The following TMEM134 variants were observed in gnomAD, a reference collection of about 807,000 sequenced individuals.
The protein encoded by TMEM134 is transmembrane protein 134.
In TMEM134, 36 loss-of-function variants were observed where a neutral mutation model predicts 26.2. The observed-to-expected ratio is 1.37, with a 90% CI of 1.05 to 1.81. The LOEUF is 1.81. Among genes scored for constraint, TMEM134 ranks in the 40% most tolerant of loss-of-function variants. The pLI is 0.00. For synonymous variants in TMEM134, 133 were observed against 113.6 expected (o/e 1.17, Z -1.08); for missense variants, 339 against 263.5 (o/e 1.29, Z -1.98).
In TMEM134 at chr11:67,464,670, C is replaced by A. The variant is rs1249714101; in HGVS notation, c.532G>T (p.Ala178Ser). Reference protein sequence around the residue: ...GVYHVIFIYCAVKGHRGFQFF... With the variant: ...GVYHVIFIYCSVKGHRGFQFF... ...TGGAAGCCCCGGTGGCCCTTGACCG[C>A]GCAGTAGATGAAGATCACGTGATAG... The change falls in exon 7 of 7, where the codon GCG (alanine) becomes TCG (serine). Residue 178 changes from alanine (A) to serine (S), a missense_variant. By Grantham distance (99) the Ala-to-Ser change is moderately conservative (BLOSUM62 1). Coordinates refer to ENST00000308022, the MANE Select transcript of TMEM134 (RefSeq NM_025124.4). The A allele has an allele frequency of 1.3e-6, 2 of 1,553,852 alleles. No homozygotes were observed. The highest frequency in any genetic ancestry group is 1.4e-5 in the African/African-American group (1 of 73,228).
rs1325519520 is a variant in TMEM134, at chr11:67,468,013, C to T, written c.239+15G>A. 8.4e-6 allele frequency: 13 copies of T among 1,552,564 alleles called. No homozygotes were observed. Among genetic ancestry groups the T allele is most frequent in the Non-Finnish European group, 1.1e-5 (13 of 1,147,566 alleles). ...GGGGCTGGGGTACAGGGTTGGGTCCCCACCTGGCCCTAACCTGGTGCCGAC... is the reference window on the plus strand; with the variant it reads ...GGGGCTGGGGTACAGGGTTGGGTCCTCACCTGGCCCTAACCTGGTGCCGAC... On this transcript the variant is annotated intron_variant, in intron 2 of 6. Transcript: ENST00000308022.
At position 67,461,861 on chromosome 11, in the gene TMEM134, T is replaced by C. The variant is rs561810399; in HGVS notation, c.*2753A>G. 2.4e-4 allele frequency: 37 copies of C among 152,364 alleles called. 1 individual carries two copies. Among genetic ancestry groups the C allele is most frequent in the African/African-American group, 7.9e-4 (33 of 41,588 alleles). 9.4% of individuals were successfully genotyped at this position (152,364 alleles called of 1,614,324 possible). On this transcript the variant is annotated 3_prime_UTR_variant, in exon 7 of 7. Transcript: ENST00000308022. ...AATATAAAAACCACTCTGTGGACTA[T>C]ACCTTGCTGATTCCTAACGCAGACT...
Position 67,462,188 on chromosome 11 carries a change from AAAAC to A in TMEM134, c.*2422_*2425del, listed in dbSNP as rs1477358109. ...TCTCAAAAAAAAAACAAAAAAAAAA[AAAAC>A]AAGGAGTAAAAAGTTGTTAGCTGCG... On this transcript the variant is annotated 3_prime_UTR_variant, in exon 7 of 7. Coordinates refer to ENST00000308022, the MANE Select transcript of TMEM134 (RefSeq NM_025124.4). 1.3e-5 allele frequency: 2 copies of A among 151,952 alleles called. No homozygotes were observed. Among genetic ancestry groups the A allele is most frequent in the Non-Finnish European group, 2.9e-5 (2 of 67,964 alleles). The allele number at this position is 151,952 out of a possible 1,614,324, so 9.4% of individuals were successfully genotyped here. A position where few individuals can be genotyped will look rare whatever the true frequency, so the allele number is the denominator to read the frequency against.
rs766067977 is a variant in TMEM134, at chr11:67,464,466, A to G, written c.*148T>C. 3.9e-4 allele frequency: 303 copies of G among 778,946 alleles called. No individual in the cohort carries two copies. The highest frequency in any genetic ancestry group is 1.1e-3 in the Admixed American group (41 of 37,244). The allele number at this position is 778,946 out of a possible 1,614,324, so 48.3% of individuals were successfully genotyped here. A position where few individuals can be genotyped will look rare whatever the true frequency, so the allele number is the denominator to read the frequency against. On this transcript the variant is annotated 3_prime_UTR_variant, in exon 7 of 7. Transcript: ENST00000308022. ...GGCGACGGGCGGCTTTCCCAGGGCC[A>G]GGCCTGCATGCCCCGAACTTCCTGA...
chr11:67,467,411 G>A (rs1179206804), intron 3 of TMEM134, 23 bp from the exon 4 acceptor site: 6 of 1,613,582 alleles, frequency 3.7e-6, no homozygotes, highest in Non-Finnish European at 5.1e-6. Context: ...AGAGCAGGGT[G>A]AATGTGAAGG....
At chr11:67,467,960 C>A in intron 2 of TMEM134, 68 bp downstream of exon 2, 3 of 1,431,668 alleles carry the variant, frequency 2.1e-6, no homozygotes, top group Non-Finnish European at 2.9e-6. Context: ...GGGTGGGTGA[C>A]TGAGCAGGGT....
chr11:67,467,631 ACGG>A, intron 2 of TMEM134, 41 bp from the exon 3 acceptor site: 1 of 1,602,348 alleles, frequency 6.2e-7, no homozygotes, highest in South Asian at 1.1e-5. Context: ...GGAGGCAAGG[ACGG>A]GGTTGCTTTG....
intron 5 of TMEM134, 49 bp downstream of exon 5, chr11:67,465,007 A>T (rs199669799): frequency 1.9e-5 from 28 of 1,502,616 alleles, no homozygotes; most frequent in Non-Finnish European, 1.8e-6. Flanking sequence ...GGACCCGTGG[A>T]CACAAGACAG....
intron 2 of TMEM134, 162 bp from the exon 3 acceptor site, chr11:67,467,752 C>T (rs1309499548): frequency 1.4e-6 from 1 of 724,536 alleles, no homozygotes; most frequent in African/African-American, 1.7e-5. Flanking sequence ...AATTCAGGGG[C>T]TGGGGATGAG....
chr11:67,467,916 C>G (rs1865377548), intron 2 of TMEM134, 112 bp downstream of exon 2: 2 of 1,038,332 alleles, frequency 1.9e-6, no homozygotes, highest in African/African-American at 1.6e-5. Flanking sequence ...GGCTAGGAAT[C>G]AATAGGACGG....
rs1353147768 is a variant in TMEM134, at chr11:67,469,020, T to A, written c.173A>T (p.Gln58Leu). Residue 58 changes from glutamine (Q) to leucine (L), a missense_variant and splice_region_variant, in exon 1 of 7, where the codon CAG (glutamine) becomes CTG (leucine). Coordinates refer to ENST00000308022, the MANE Select transcript of TMEM134 (RefSeq NM_025124.4). Reference protein sequence around the residue: ...DEDKQSRLRYQNLENDEDGAQ... With the variant: ...DEDKQSRLRYLNLENDEDGAQ... ...GGTTAGGTGGGCCGGGCGGTTCACCTGGTAGCGCAGCCGGGACTGCTTGTC... is the reference window on the plus strand; with the variant it reads ...GGTTAGGTGGGCCGGGCGGTTCACCAGGTAGCGCAGCCGGGACTGCTTGTC... 1 of 1,498,812 alleles carries A rather than the reference T, an allele frequency of 6.7e-7. No individual in the cohort carries two copies. Among genetic ancestry groups the A allele is most frequent in the Admixed American group, 2.1e-5 (1 of 47,484 alleles). The allele number at this position is 1,498,812 out of a possible 1,614,324, so 92.8% of individuals were successfully genotyped here. A position where few individuals can be genotyped will look rare whatever the true frequency, so the allele number is the denominator to read the frequency against.
At position 67,463,414 on chromosome 11, in the gene TMEM134, G is replaced by A. The variant is rs1865074536; in HGVS notation, c.*1200C>T. The A allele has an allele frequency of 6.6e-6, 1 of 152,282 alleles. No individual in the cohort carries two copies. The highest frequency in any genetic ancestry group is 1.5e-5 in the Non-Finnish European group (1 of 68,100). 9.4% of individuals were successfully genotyped at this position (152,282 alleles called of 1,614,324 possible). A position where few individuals can be genotyped will look rare whatever the true frequency, so the allele number is the denominator to read the frequency against. ...GACAGTGTCATGGGAAGAGCCCTGG[G>A]CTACGTTCCTAATTCTACCTACCAC... On this transcript the variant is annotated 3_prime_UTR_variant, in exon 7 of 7. Transcript: ENST00000308022.
At chr11:67,468,872 C>T in intron 1 of TMEM134, 147 bp downstream of exon 1, 1 of 881,404 alleles carries the variant, frequency 1.1e-6, no homozygotes, top group Non-Finnish European at 1.6e-6. Flanking sequence ...GGCTCTGGAT[C>T]AAGAGTCACG....
At chr11:67,468,194 G>A (rs1281156248) in intron 1 of TMEM134, 102 bp from the exon 2 acceptor site, 11 of 1,107,716 alleles carry the variant, frequency 9.9e-6, no homozygotes, top group South Asian at 5.6e-5. Flanking sequence ...TTGCCTGGCC[G>A]CCTGGCAGCT....
chr11:67,464,419 G>A lies in TMEM134; in HGVS notation c.*195C>T. 1.6e-6 allele frequency: 1 copy of A among 621,828 alleles called. No individual in the cohort carries two copies. Among genetic ancestry groups the A allele is most frequent in the Non-Finnish European group, 2.9e-6 (1 of 347,082 alleles). The allele number at this position is 621,828 out of a possible 1,614,324, so 38.5% of individuals were successfully genotyped here. A position where few individuals can be genotyped will look rare whatever the true frequency, so the allele number is the denominator to read the frequency against. On this transcript the variant is annotated 3_prime_UTR_variant, in exon 7 of 7. Coordinates refer to ENST00000308022, the MANE Select transcript of TMEM134 (RefSeq NM_025124.4). ...GCAACCTAGCAGCCGCACGGCCCGA[G>A]AATAAGTTAAGGCACAGAGCAGGCG... is the stretch of plus-strand genomic sequence containing the variant.
chr11:67,467,879 GA>G, intron 2 of TMEM134, 148 bp downstream of exon 2: 1 of 773,938 alleles, frequency 1.3e-6, no homozygotes, highest in Non-Finnish European at 2.1e-6. Flanking sequence ...TACAGTGTAG[GA>G]GACCCTGTGA....
chr11:67,469,229 T>C lies in TMEM134; in HGVS notation c.-37A>G, dbSNP rs1865510803. 8.0e-7 allele frequency: 1 copy of C among 1,252,000 alleles called. No homozygotes were observed. Among genetic ancestry groups the C allele is most frequent in the South Asian group, 3.1e-5 (1 of 32,416 alleles). 77.6% of individuals were successfully genotyped at this position (1,252,000 alleles called of 1,614,324 possible). A position where few individuals can be genotyped will look rare whatever the true frequency, so the allele number is the denominator to read the frequency against. ...GCTCAGGCGCCGTGCGCCGCCGCCATCTGCGCCCACACACCCAGCGTCGCC... is the reference window on the plus strand; with the variant it reads ...GCTCAGGCGCCGTGCGCCGCCGCCACCTGCGCCCACACACCCAGCGTCGCC... On this transcript the variant is annotated 5_prime_UTR_variant, in exon 1 of 7. The change abolishes an upstream ATG in the 5' untranslated region. Transcript: ENST00000308022.
At chr11:67,467,835 G>A (rs2134233505) in intron 2 of TMEM134, 193 bp downstream of exon 2, 2 of 663,004 alleles carry the variant, frequency 3.0e-6, no homozygotes, top group Admixed American at 2.6e-5. Flanking sequence ...TCTGAAAGAG[G>A]TGAGTACAGC....
chr11:67,468,153 C>G, intron 1 of TMEM134, 61 bp from the exon 2 acceptor site: 4 of 1,484,844 alleles, frequency 2.7e-6, no homozygotes, highest in South Asian at 2.4e-5. Context: ...CACTCCCTCC[C>G]GGGAAGAGAA....
Sources: allele counts gnomAD v4.1 joint callset, GRCh38; gene constraint gnomAD v4.1.1; transcripts MANE v1.5; gene names NCBI Gene and HGNC (gene_info 2026-07-23, HGNC 2026-07-21).